NDST3: variants seen among roughly 807,000 people sequenced by gnomAD.
The protein encoded by NDST3 is bifunctional heparan sulfate N-deacetylase/N-sulfotransferase 3.
A neutral mutation model predicts 96.1 loss-of-function variants in NDST3; 58 were observed. That is an observed-to-expected ratio of 0.60 (90% CI 0.49 to 0.75). The LOEUF (loss-of-function observed/expected upper bound fraction) is 0.75, where lower values mean the gene tolerates loss of function less well. Ranked by LOEUF, NDST3 falls within the 30% of genes least tolerant of loss-of-function variation. NDST3 has a pLI of 0.00. For missense variants in NDST3, 788 were observed against 1,034.2 expected, an observed-to-expected ratio of 0.76 and a Z score of 3.27; for synonymous variants, 333 against 359.7, an observed-to-expected ratio of 0.93 and a Z score of 0.84.
At chr4:118,117,165 G>A (rs1167314609) in intron 4 of NDST3, among the ~76,000 whole-genome samples, 4 of 152,038 alleles carry the variant, frequency 2.6e-5, no homozygotes, top group Non-Finnish European at 5.9e-5. Context: ...AGGACAAGTA[G>A]AATTTATTTT....
upstream of NDST3, chr4:118,033,848 C>T (rs917176750): frequency 6.6e-6 from 1 of 152,366 alleles, no homozygotes; most frequent in Non-Finnish European, 1.5e-5. Flanking sequence ...ACGAGGGGCC[C>T]TGGGGAGCGG....
intron 1 of NDST3, among the ~76,000 whole-genome samples, chr4:118,035,116 C>A (rs537496550): frequency 6.6e-6 from 1 of 152,050 alleles, no homozygotes; most frequent in Admixed American, 6.6e-5. Flanking sequence ...ACAGATATAT[C>A]TTCTATTTAA....
chr4:118,133,352 T>A (rs1376490394), intron 4 of NDST3, among the ~76,000 whole-genome samples: 10 of 152,148 alleles, frequency 6.6e-5, no homozygotes, highest in Admixed American at 5.9e-4. Flanking sequence ...GACAGGGTAG[T>A]ACTGAGTTCA....
chr4:118,238,146 A>AGAGAAAAGAAAGG (rs1560738419), intron 10 of NDST3, among the ~76,000 whole-genome samples: 3 of 83,734 alleles, frequency 3.6e-5, no homozygotes, highest in East Asian at 2.8e-4. Flanking sequence ...AGAGAGAGAG[A>AGAGAAAAGAAAGG]AAAGAAAGAA....
intron 13 of NDST3, among the ~76,000 whole-genome samples, chr4:118,255,018 A>G (rs566243316): frequency 1.3e-5 from 2 of 152,348 alleles, no homozygotes; most frequent in African/African-American, 2.4e-5. Flanking sequence ...TACAATTTCT[A>G]TAGTATTTCA....
At position 118,253,482 on chromosome 4, in the gene NDST3, ATTCT is replaced by A. The variant is rs761205106; in HGVS notation, c.2400-14_2400-11del. ...ATGATTTTCTGGTTTTTCTGTGTGT[ATTCT>A]TTTTTTTTTTAGGTTTGATTCTCAT... On this transcript the variant is annotated splice_polypyrimidine_tract_variant and intron_variant, in intron 12 of 13. Coordinates refer to ENST00000296499, the MANE Select transcript of NDST3 (RefSeq NM_004784.3). 4 of 1,441,672 alleles carry A rather than the reference ATTCT, an allele frequency of 2.8e-6. No homozygotes were observed. The South Asian group carries it at 4.8e-5, about 17-fold the overall frequency. 89.3% of individuals were successfully genotyped at this position (1,441,672 alleles called of 1,614,324 possible). A position where few individuals can be genotyped will look rare whatever the true frequency, so the allele number is the denominator to read the frequency against.
intron 12 of NDST3, among the ~76,000 whole-genome samples, chr4:118,252,259 A>C: frequency 6.6e-6 from 1 of 152,194 alleles, no homozygotes; most frequent in East Asian, 1.9e-4. Context: ...ATAATATAAA[A>C]CCTACTTGGA....
At chr4:118,142,672 TTA>T (rs1310205533) in intron 5 of NDST3, among the ~76,000 whole-genome samples, 1 of 152,136 alleles carries the variant, frequency 6.6e-6, no homozygotes, top group Non-Finnish European at 1.5e-5. Context: ...AGTATACTCA[TTA>T]ATGTTCTGCT....
intron 2 of NDST3, among the ~76,000 whole-genome samples, chr4:118,091,106 G>C (rs1486313756): frequency 6.6e-6 from 1 of 151,454 alleles, no homozygotes; most frequent in Admixed American, 6.6e-5. Flanking sequence ...ACAAAGAAGA[G>C]AGCAGTAGAT....
chr4:118,055,187 T>C, intron 2 of NDST3: 1 of 356,606 alleles, frequency 2.8e-6, no homozygotes, highest in Non-Finnish European at 5.2e-6. Flanking sequence ...CCAGAAACTA[T>C]CTACCTCAAA....
intron 5 of NDST3, 95 bp from the exon 6 acceptor site, chr4:118,143,461 G>A (rs1733710002): frequency 7.6e-7 from 1 of 1,307,846 alleles, no homozygotes; most frequent in African/African-American, 1.5e-5. Flanking sequence ...TAATTCACTA[G>A]CTTGTGCATC....
intron 1 of NDST3, among the ~76,000 whole-genome samples, chr4:118,046,500 C>T (rs1724769051): frequency 6.6e-6 from 1 of 152,228 alleles, no homozygotes; most frequent in South Asian, 2.1e-4. Flanking sequence ...TTCTGCAGGC[C>T]TTCCAGCCTG....
At chr4:118,130,977 C>G (rs184471013) in intron 4 of NDST3, among the ~76,000 whole-genome samples, 2 of 152,246 alleles carry the variant, frequency 1.3e-5, no homozygotes, top group Non-Finnish European at 2.9e-5. Flanking sequence ...TGTTACTTTT[C>G]TCTTGCTGCA....
intron 2 of NDST3, among the ~76,000 whole-genome samples, chr4:118,091,976 G>T (rs1454481175): frequency 6.6e-6 from 1 of 151,524 alleles, no homozygotes; most frequent in East Asian, 1.9e-4. Flanking sequence ...TTATTGTAAT[G>T]ATTATGTTTC....
intron 6 of NDST3, among the ~76,000 whole-genome samples, chr4:118,165,003 G>A (rs1735447596): frequency 6.6e-6 from 1 of 152,086 alleles, no homozygotes; most frequent in Admixed American, 6.5e-5. Context: ...AAGGAAGACA[G>A]CAAGAGAAGA....
intron 4 of NDST3, among the ~76,000 whole-genome samples, chr4:118,134,548 T>C (rs564238905): frequency 6.6e-6 from 1 of 152,140 alleles, no homozygotes; most frequent in Non-Finnish European, 1.5e-5. Context: ...ATACCAGAGA[T>C]AGTACTGATA....
chr4:118,221,746 A>G (rs889466281), intron 6 of NDST3, among the ~76,000 whole-genome samples: 11 of 152,036 alleles, frequency 7.2e-5, no homozygotes, highest in African/African-American at 1.4e-4. Context: ...GGCTATACAC[A>G]TCTATATCTC....
intron 4 of NDST3, among the ~76,000 whole-genome samples, chr4:118,130,262 C>T (rs1732502488): frequency 6.6e-6 from 1 of 151,944 alleles, no homozygotes; most frequent in South Asian, 2.1e-4. Flanking sequence ...GGTCGTCTCT[C>T]TTTTCTTTTC....
intron 2 of NDST3, 75 bp downstream of exon 2, chr4:118,054,966 A>T (rs1437664161): frequency 6.4e-7 from 1 of 1,559,756 alleles, no homozygotes; most frequent in Non-Finnish European, 8.7e-7. Context: ...AGTTTGTACT[A>T]CAACTGGGTT....
Sources: allele counts gnomAD v4.1 joint callset (sites outside exome capture counted in the v4.1 genomes callset), GRCh38; gene constraint gnomAD v4.1.1; transcripts MANE v1.5; gene names NCBI Gene and HGNC (gene_info 2026-07-23, HGNC 2026-07-21).